The following RABGAP1L variants were observed in gnomAD, a reference collection of about 807,000 sequenced individuals.
RABGAP1L encodes the protein rab GTPase-activating protein 1-like.
A neutral mutation model predicts 137.7 loss-of-function variants in RABGAP1L; 63 were observed. That is an observed-to-expected ratio of 0.46 (90% confidence interval 0.37 to 0.56). The LOEUF (loss-of-function observed/expected upper bound fraction) is 0.56. Ranked by LOEUF, RABGAP1L falls within the 20% of genes least tolerant of loss-of-function variation. RABGAP1L has a pLI of 0.00. For missense variants in RABGAP1L, 1,095 were observed against 1,244.0 expected, an observed-to-expected ratio of 0.88 and a Z score of 1.80; for synonymous variants, 431 against 433.7, an observed-to-expected ratio of 0.99 and a Z score of 0.08.
intron 10 of RABGAP1L, among the ~76,000 whole-genome samples, chr1:174,304,119 A>G (rs1213744346): frequency 6.6e-6 from 1 of 152,192 alleles, no homozygotes; most frequent in Non-Finnish European, 1.5e-5. Flanking sequence ...CATTTTTAAC[A>G]TGAATGAATG....
chr1:174,566,305 TTTTG>T (rs1250874660), intron 13 of RABGAP1L, among the ~76,000 whole-genome samples: 2 of 152,258 alleles, frequency 1.3e-5, no homozygotes, highest in African/African-American at 4.8e-5. Flanking sequence ...CAAAGAGTTT[TTTTG>T]TTTGTTTGTT....
chr1:174,590,506 C>T (rs568925519), intron 13 of RABGAP1L, among the ~76,000 whole-genome samples: 5,043 of 94,290 alleles, frequency 0.053, 194 homozygotes, highest in Non-Finnish European at 0.081. Flanking sequence ...CCCCCTCCCC[C>T]GACCCCACCA....
chr1:174,636,702 A>G (rs943894532), intron 13 of RABGAP1L, among the ~76,000 whole-genome samples: 1 of 152,160 alleles, frequency 6.6e-6, no homozygotes, highest in Non-Finnish European at 1.5e-5. Context: ...AATTTGTGGT[A>G]TTAGACAGAT....
At chr1:174,716,957 C>T (rs1432084457) in intron 17 of RABGAP1L, among the ~76,000 whole-genome samples, 1 of 152,174 alleles carries the variant, frequency 6.6e-6, no homozygotes, top group Non-Finnish European at 1.5e-5. Flanking sequence ...GTACACCCTA[C>T]TTTGTAGACT....
At chr1:174,333,666 C>T (rs937567417) in intron 11 of RABGAP1L, among the ~76,000 whole-genome samples, 29 of 152,120 alleles carry the variant, frequency 1.9e-4, no homozygotes, top group African/African-American at 6.8e-4. Flanking sequence ...CATATTTTAG[C>T]CCCTGAGGCT....
intron 1 of RABGAP1L, among the ~76,000 whole-genome samples, chr1:174,196,864 A>T (rs1667729067): frequency 6.6e-6 from 1 of 152,100 alleles, no homozygotes; most frequent in South Asian, 2.1e-4. Flanking sequence ...TTTGGACATC[A>T]ACTTTGTCTT....
At chr1:174,857,567 A>C (rs1438670157) in intron 19 of RABGAP1L, among the ~76,000 whole-genome samples, 2 of 152,160 alleles carry the variant, frequency 1.3e-5, no homozygotes, top group African/African-American at 4.8e-5. Flanking sequence ...TTCATCAATA[A>C]ACCATGGATT....
At chr1:174,556,737 T>A (rs773313667) in intron 13 of RABGAP1L, among the ~76,000 whole-genome samples, 2 of 152,242 alleles carry the variant, frequency 1.3e-5, no homozygotes, top group African/African-American at 2.4e-5. Flanking sequence ...TAAGTTCAAC[T>A]TTGGTGATGG....
chr1:174,961,753 T>C (rs984305923), intron 20 of RABGAP1L, among the ~76,000 whole-genome samples: 1 of 137,832 alleles, frequency 7.3e-6, no homozygotes, highest in Non-Finnish European at 1.6e-5. Context: ...GGCTGAGGCA[T>C]GAGAATCGCT....
chr1:174,287,591 C>T (rs1676177355), intron 10 of RABGAP1L, among the ~76,000 whole-genome samples: 1 of 152,146 alleles, frequency 6.6e-6, no homozygotes, highest in Admixed American at 6.5e-5. Flanking sequence ...CTCCTGGGTT[C>T]AAGTGATTCT....
At chr1:174,862,020 A>G (rs1650338485) in intron 19 of RABGAP1L, among the ~76,000 whole-genome samples, 1 of 152,184 alleles carries the variant, frequency 6.6e-6, no homozygotes, top group Admixed American at 6.5e-5. Flanking sequence ...CATTGCCAAA[A>G]TGAGTGTAAA....
intron 20 of RABGAP1L, among the ~76,000 whole-genome samples, chr1:174,962,918 TA>T (rs1329523133): frequency 6.6e-6 from 1 of 151,854 alleles, no homozygotes; most frequent in Non-Finnish European, 1.5e-5. Context: ...GCCAACATGG[TA>T]AAACCCTGTC....
chr1:174,213,204 C>T (rs1364926687), intron 1 of RABGAP1L, among the ~76,000 whole-genome samples: 1 of 152,156 alleles, frequency 6.6e-6, no homozygotes, highest in African/African-American at 2.4e-5. Context: ...GTGGGTGGAT[C>T]ACCTGAGGTC....
At chr1:174,385,025 A>G (rs565322406) in intron 12 of RABGAP1L, among the ~76,000 whole-genome samples, 6 of 152,258 alleles carry the variant, frequency 3.9e-5, no homozygotes, top group South Asian at 2.1e-4. Context: ...TGTCTTGATC[A>G]TGTCATGGTG....
chr1:174,434,151 A>ACACACACACACACACACACACACAC (rs1361968902), intron 13 of RABGAP1L, among the ~76,000 whole-genome samples: 2 of 147,518 alleles, frequency 1.4e-5, no homozygotes, highest in Admixed American at 6.7e-5. Flanking sequence ...ACACACACAC[A>ACACACACACACACACACACACACAC]CCCTGCCTGG....
chr1:174,211,029 T>C (rs556197283), intron 1 of RABGAP1L, among the ~76,000 whole-genome samples: 21 of 152,296 alleles, frequency 1.4e-4, no homozygotes, highest in African/African-American at 4.6e-4. Flanking sequence ...GTAAAGACTT[T>C]CTCAGACAAA....
At chr1:174,247,655 G>C (rs564381705) in intron 5 of RABGAP1L, among the ~76,000 whole-genome samples, 1 of 152,160 alleles carries the variant, frequency 6.6e-6, no homozygotes, top group African/African-American at 2.4e-5. Flanking sequence ...ATATCCTTGC[G>C]TGTGGAGAGC....
intron 17 of RABGAP1L, among the ~76,000 whole-genome samples, chr1:174,726,543 G>A (rs1214958651): frequency 2.0e-5 from 3 of 151,632 alleles, no homozygotes; most frequent in Non-Finnish European, 4.4e-5. Flanking sequence ...TAAAGAGAGG[G>A]AAAAAAATAA....
intron 13 of RABGAP1L, among the ~76,000 whole-genome samples, chr1:174,434,249 A>G (rs1183312346): frequency 6.6e-6 from 1 of 152,052 alleles, no homozygotes; most frequent in Non-Finnish European, 1.5e-5. Flanking sequence ...GTATTCTTCA[A>G]TGTATGGCTT....
Sources: gnomAD v4.1 joint callset for allele counts (sites outside exome capture counted in the v4.1 genomes callset) on GRCh38, gnomAD v4.1.1 for gene constraint, MANE v1.5 for transcripts, NCBI Gene and HGNC (gene_info 2026-07-23, HGNC 2026-07-21) for gene names.